The following KLHL29 variants were observed in gnomAD, a reference collection of about 807,000 sequenced individuals.
KLHL29 encodes kelch like family member 29.
Under a neutral mutation model 80.4 loss-of-function variants are expected in KLHL29, and 21 were observed. The ratio of observed to expected loss-of-function variants is 0.26; its 90% CI spans 0.19 to 0.38. KLHL29 has a LOEUF of 0.38. KLHL29 is among the 10% of genes least tolerant of loss of function. The pLI is 1.00. For missense variants in KLHL29, 867 were observed against 1,223.9 expected, an observed-to-expected ratio of 0.71 and a Z score of 4.35; for synonymous variants, 511 against 526.8, an observed-to-expected ratio of 0.97 and a Z score of 0.41.
intron 2 of KLHL29, chr2:23,507,267 G>A (rs576298041): frequency 6.9e-4 from 148 of 213,522 alleles, no homozygotes; most frequent in Non-Finnish European, 1.4e-3. Flanking sequence ...AAATAGCAGG[G>A]ACTTGCAGAA....
At chr2:23,442,491 T>C (rs1406009677) in intron 1 of KLHL29, among the ~76,000 whole-genome samples, 1 of 152,094 alleles carries the variant, frequency 6.6e-6, no homozygotes, top group African/African-American at 2.4e-5. Flanking sequence ...GAGTTTGTCT[T>C]TGAAGATGGA....
intron 3 of KLHL29, among the ~76,000 whole-genome samples, chr2:23,566,466 G>A (rs893987845): frequency 3.3e-5 from 5 of 152,218 alleles, no homozygotes; most frequent in African/African-American, 4.8e-5. Context: ...CATTCACCAT[G>A]GTAACCATGA....
intron 2 of KLHL29, among the ~76,000 whole-genome samples, chr2:23,488,816 T>C (rs574644849): frequency 1.3e-5 from 2 of 152,302 alleles, no homozygotes; most frequent in South Asian, 4.1e-4. Context: ...CCTTGGCTGT[T>C]CATTGGAATT....
At chr2:23,673,388 C>CCACGTG (rs1670824671) in intron 5 of KLHL29, among the ~76,000 whole-genome samples, 1 of 151,476 alleles carries the variant, frequency 6.6e-6, no homozygotes, top group South Asian at 2.1e-4. Flanking sequence ...CACGTCCACA[C>CCACGTG]CACGTGCTTG....
At chr2:23,409,390 G>A (rs1364453469) in intron 1 of KLHL29, among the ~76,000 whole-genome samples, 1 of 152,186 alleles carries the variant, frequency 6.6e-6, no homozygotes, top group Non-Finnish European at 1.5e-5. Context: ...GGCTGGAGGT[G>A]GGGGCGGAAT....
intron 2 of KLHL29, among the ~76,000 whole-genome samples, chr2:23,558,539 T>C (rs57305633): frequency 0.017 from 2,635 of 152,134 alleles, 68 homozygotes; most frequent in African/African-American, 0.06. Context: ...GTAGCTGGGA[T>C]TACAGATGCA....
At chr2:23,536,918 A>ACACTCACTCT (rs143009876) in intron 2 of KLHL29, among the ~76,000 whole-genome samples, 1 of 140,650 alleles carries the variant, frequency 7.1e-6, no homozygotes, top group Non-Finnish European at 1.5e-5. Context: ...ACACACACAC[A>ACACTCACTCT]CTCTCTCTCT....
At chr2:23,585,317 G>A (rs911266707) in intron 3 of KLHL29, among the ~76,000 whole-genome samples, 1 of 152,174 alleles carries the variant, frequency 6.6e-6, no homozygotes, top group African/African-American at 2.4e-5. Context: ...GGAGTCTAGC[G>A]GTGATAGCTG....
Position 23,684,287 on chromosome 2 carries a change from C to T in KLHL29, c.941-112C>T. ...AGCCAGTCTTGCCAAGAAACAATAT[C>T]AAGTATTTCCTATTTCTCTACTTCT... On this transcript the variant is annotated intron_variant, in intron 5 of 13. Transcript: ENST00000486442. The surrounding 1 kb of genome is among the most constrained non-coding windows in gnomAD (Gnocchi z 4.4). 1.3e-6 allele frequency: 1 copy of T among 766,328 alleles called. No individual in the cohort carries two copies. The allele number at this position is 766,328 out of a possible 1,614,324, so 47.5% of individuals were successfully genotyped here.
At chr2:23,484,185 G>T (rs1173530955) in intron 2 of KLHL29, among the ~76,000 whole-genome samples, 1 of 152,126 alleles carries the variant, frequency 6.6e-6, no homozygotes, top group Non-Finnish European at 1.5e-5. Flanking sequence ...CCCTCCACTT[G>T]CTCCTAGACC....
At chr2:23,567,428 G>C (rs879944668) in intron 3 of KLHL29, among the ~76,000 whole-genome samples, 20 of 152,154 alleles carry the variant, frequency 1.3e-4, no homozygotes, top group Admixed American at 1.3e-3. Flanking sequence ...GGCCCGAGAA[G>C]AACCAAAAGG....
At chr2:23,386,883 C>T (rs1345584923) in intron 1 of KLHL29, among the ~76,000 whole-genome samples, 1 of 151,960 alleles carries the variant, frequency 6.6e-6, no homozygotes, top group Non-Finnish European at 1.5e-5. Context: ...CCAGCCGTCT[C>T]GGAGGAGGGG....
intron 1 of KLHL29, among the ~76,000 whole-genome samples, chr2:23,442,403 A>G (rs2103415793): frequency 6.6e-6 from 1 of 152,266 alleles, no homozygotes; most frequent in Non-Finnish European, 1.5e-5. Context: ...CAAGGTCCTT[A>G]CAAGTGAAAG....
At chr2:23,387,661 C>A (rs970368652) in intron 1 of KLHL29, among the ~76,000 whole-genome samples, 5 of 152,100 alleles carry the variant, frequency 3.3e-5, no homozygotes, top group Admixed American at 3.3e-4. Context: ...CTAGTGAATA[C>A]TTTAAAGGCT....
At chr2:23,564,677 G>A (rs536996941) in intron 3 of KLHL29, among the ~76,000 whole-genome samples, 37 of 152,356 alleles carry the variant, frequency 2.4e-4, no homozygotes, top group Non-Finnish European at 4.1e-4. Flanking sequence ...GTCTGACCCC[G>A]TGCCAAGACC....
chr2:23,602,136 A>C (rs1668587276), intron 3 of KLHL29, among the ~76,000 whole-genome samples: 1 of 152,170 alleles, frequency 6.6e-6, no homozygotes, highest in Non-Finnish European at 1.5e-5. Context: ...CAGAGTATCC[A>C]CTGCTCATTT....
chr2:23,595,153 A>G (rs970988247), intron 3 of KLHL29, among the ~76,000 whole-genome samples: 3 of 152,144 alleles, frequency 2.0e-5, no homozygotes, highest in African/African-American at 7.2e-5. Flanking sequence ...GCAGGCGCCC[A>G]GAAAGAGGCA....
chr2:23,580,895 T>G (rs1166080793), intron 3 of KLHL29, among the ~76,000 whole-genome samples: 1 of 136,264 alleles, frequency 7.3e-6, no homozygotes, highest in East Asian at 2.3e-4. Flanking sequence ...ACAGGATTGC[T>G]TGAACCCAGG....
At chr2:23,589,050 G>T (rs1668188683) in intron 3 of KLHL29, among the ~76,000 whole-genome samples, 1 of 152,256 alleles carries the variant, frequency 6.6e-6, no homozygotes, top group African/African-American at 2.4e-5. Flanking sequence ...CGAGCCCCAG[G>T]ATGCGTCTTA....
Sources: gnomAD v4.1 joint callset for allele counts (sites outside exome capture counted in the v4.1 genomes callset) on GRCh38, gnomAD v4.1.1 for gene constraint, Gnocchi (gnomAD v3.1) non-coding constraint, MANE v1.5 for transcripts, NCBI Gene and HGNC (gene_info 2026-07-23, HGNC 2026-07-21) for gene names.